MBNL1: variants seen among roughly 807,000 people sequenced by gnomAD.
The protein encoded by MBNL1 is muscleblind-like protein 1.
Under a neutral mutation model 42.2 loss-of-function variants are expected in MBNL1, and 8 were observed. That is an observed-to-expected ratio of 0.19 (90% CI 0.11 to 0.34). The LOEUF is 0.34. MBNL1 is among the 10% of genes least tolerant of loss of function. MBNL1 has a pLI of 1.00. For missense variants in MBNL1, 309 were observed against 495.3 expected (o/e 0.62, Z 3.57); for synonymous variants, 169 against 173.9 (o/e 0.97, Z 0.22).
chr3:152,313,821 C>T (rs1334811249), intron 2 of MBNL1, among the ~76,000 whole-genome samples: 2 of 152,166 alleles, frequency 1.3e-5, no homozygotes, highest in African/African-American at 2.4e-5. Flanking sequence ...CCCTTAACCT[C>T]TTAACATATG....
At chr3:152,310,047 AGTTT>A (rs1023746674) in intron 2 of MBNL1, among the ~76,000 whole-genome samples, 7 of 152,234 alleles carry the variant, frequency 4.6e-5, no homozygotes, top group Admixed American at 2.6e-4. Context: ...GTATCTGAGA[AGTTT>A]GTTATGAAAT....
chr3:152,444,394 A>G (rs1273865218), intron 4 of MBNL1, among the ~76,000 whole-genome samples: 1 of 152,146 alleles, frequency 6.6e-6, no homozygotes, highest in Non-Finnish European at 1.5e-5. Context: ...AACAAAACCA[A>G]TCTTTTTTTA....
intron 2 of MBNL1, among the ~76,000 whole-genome samples, chr3:152,385,387 C>A (rs971060021): frequency 6.6e-6 from 1 of 151,846 alleles, no homozygotes; most frequent in Non-Finnish European, 1.5e-5. Context: ...TCTTTGATTT[C>A]AAAAAATCAC....
chr3:152,331,534 A>T (rs2084527836), intron 2 of MBNL1, among the ~76,000 whole-genome samples: 1 of 151,872 alleles, frequency 6.6e-6, no homozygotes, highest in Admixed American at 6.6e-5. Context: ...AACTTCACTT[A>T]TTTTGACCTA....
rs184331162 is a variant in MBNL1, at chr3:152,369,103, A to G, written c.175-45838A>G. ...TATCTTGTGCCAGTATTCAGAGGGA[A>G]TGCTTCCAGCTTTTGCCCACTCAGT... is the stretch of plus-strand genomic sequence containing the variant. On this transcript the variant is annotated intron_variant, in intron 2 of 9. Coordinates refer to ENST00000324210, the MANE Select transcript of MBNL1 (RefSeq NM_021038.5). Among the ~76,000 whole-genome samples the G allele has an allele frequency of 7.9e-5, 12 of 152,296 alleles. No individual in the cohort carries two copies. The East Asian group carries it at 2.3e-3, about 29-fold the overall frequency.
At chr3:152,324,246 C>T (rs1298622175) in intron 2 of MBNL1, among the ~76,000 whole-genome samples, 1 of 152,080 alleles carries the variant, frequency 6.6e-6, no homozygotes, top group South Asian at 2.1e-4. Context: ...ATTTTCATTG[C>T]CTTTCACACA....
At chr3:152,434,633 C>T (rs2099054100) in intron 4 of MBNL1, among the ~76,000 whole-genome samples, 1 of 152,274 alleles carries the variant, frequency 6.6e-6, no homozygotes, top group Non-Finnish European at 1.5e-5. Context: ...ACACTGTGTT[C>T]CACAATGGTT....
At chr3:152,436,675 T>A (rs990281376) in intron 4 of MBNL1, among the ~76,000 whole-genome samples, 6 of 152,368 alleles carry the variant, frequency 3.9e-5, no homozygotes, top group African/African-American at 1.4e-4. Context: ...TCTAATCCAA[T>A]CCTGCCACAT....
At chr3:152,300,791 A>T in intron 2 of MBNL1, 1 of 226,910 alleles carries the variant, frequency 4.4e-6, no homozygotes, top group Non-Finnish European at 7.3e-6. Context: ...AAGCAGATTT[A>T]AAATCAGCTA....
At chr3:152,317,241 A>AT (rs1308912990) in intron 2 of MBNL1, among the ~76,000 whole-genome samples, 3 of 152,174 alleles carry the variant, frequency 2.0e-5, no homozygotes, top group Admixed American at 2.0e-4. Flanking sequence ...ATTCTTATAA[A>AT]TTTATGTGGA....
intron 5 of MBNL1, chr3:152,446,686 C>T (rs747987876): frequency 9.3e-6 from 15 of 1,612,776 alleles, no homozygotes; most frequent in South Asian, 3.3e-5. Context: ...ATCATGTGCT[C>T]GCTGCCTGCT....
At chr3:152,250,832 G>A (rs1356859492) in intron 2 of MBNL1, among the ~76,000 whole-genome samples, 1 of 152,004 alleles carries the variant, frequency 6.6e-6, no homozygotes, top group African/African-American at 2.4e-5. Context: ...GGCATGAAGG[G>A]TTGTTGAATT....
At chr3:152,260,979 A>G (rs1209157607) in intron 2 of MBNL1, among the ~76,000 whole-genome samples, 2 of 152,154 alleles carry the variant, frequency 1.3e-5, no homozygotes, top group Non-Finnish European at 2.9e-5. Flanking sequence ...CCTGCAGATA[A>G]TTCTGTTTCT....
chr3:152,319,614 GTTTTTTTTT>G (rs202070328), intron 2 of MBNL1, among the ~76,000 whole-genome samples: 17 of 80,518 alleles, frequency 2.1e-4, no homozygotes, highest in African/African-American at 4.8e-4. Context: ...GTTCTATACT[GTTTTTTTTT>G]TTTTTTTTTT....
At chr3:152,459,814 A>G (rs1214370145) in intron 9 of MBNL1, among the ~76,000 whole-genome samples, 1 of 151,952 alleles carries the variant, frequency 6.6e-6, no homozygotes, top group Non-Finnish European at 1.5e-5. Context: ...CAGGCAGTAC[A>G]TCACATCTGG....
At chr3:152,373,341 GAAAAAAAAAAAA>G (rs35536807) in intron 2 of MBNL1, among the ~76,000 whole-genome samples, 2 of 90,542 alleles carry the variant, frequency 2.2e-5, no homozygotes, top group African/African-American at 4.2e-5. Context: ...CTGGGGTATG[GAAAAAAAAAAAA>G]AAAAAAAAAA....
intron 2 of MBNL1, among the ~76,000 whole-genome samples, chr3:152,396,662 A>G (rs139283389): frequency 3.9e-4 from 59 of 152,254 alleles, no homozygotes; most frequent in African/African-American, 1.3e-3. Context: ...TCTGTAATAT[A>G]TCCTATATTA....
At chr3:152,447,494 C>T (rs540097066) in intron 5 of MBNL1, 126 bp from the exon 6 acceptor site, 93 of 407,182 alleles carry the variant, frequency 2.3e-4, no homozygotes, top group African/African-American at 1.6e-3. Context: ...TTTTTTCCCT[C>T]GGGTAGTTAA....
chr3:152,358,239 A>T (rs2095667893), intron 2 of MBNL1, among the ~76,000 whole-genome samples: 1 of 152,240 alleles, frequency 6.6e-6, no homozygotes, highest in Admixed American at 6.5e-5. Context: ...GAAGTCATAT[A>T]AAAGTTTATT....
Sources: allele counts gnomAD v4.1 joint callset (sites outside exome capture counted in the v4.1 genomes callset), GRCh38; gene constraint gnomAD v4.1.1; transcripts MANE v1.5; gene names NCBI Gene and HGNC (gene_info 2026-07-23, HGNC 2026-07-21).